Variants in DNAH8 observed in about 807,000 individuals in gnomAD.
DNAH8 encodes dynein axonemal heavy chain 8, also known as axonemal beta dynein heavy chain 8.
A neutral mutation model predicts 562.1 loss-of-function variants in DNAH8; 382 were observed. The ratio of observed to expected loss-of-function variants is 0.68; its 90% CI spans 0.63 to 0.74. The LOEUF is 0.74. Ranked by LOEUF, DNAH8 falls within the 30% of genes least tolerant of loss-of-function variation. The pLI, the probability that DNAH8 is intolerant of heterozygous loss-of-function variation, is 0.00. For missense variants in DNAH8, 5,203 were observed against 5,620.4 expected, an observed-to-expected ratio of 0.93 and a Z score of 2.37; for synonymous variants, 1,881 against 1,919.4, an observed-to-expected ratio of 0.98 and a Z score of 0.52.
chr6:38,783,166 CA>C, intron 17 of DNAH8, 27 bp downstream of exon 17: 1 of 1,607,650 alleles, frequency 6.2e-7, no homozygotes, highest in Non-Finnish European at 8.5e-7. Context: ...CATGAGCCTA[CA>C]AAGTAGGGAT....
Position 38,906,285 on chromosome 6 carries a change from T to G in DNAH8, c.9226T>G (p.Leu3076Val), listed in dbSNP as rs372620501. The change falls in exon 63 of 93, where the codon TTA (leucine) becomes GTA (valine). Residue 3076 changes from leucine to valine, a missense_variant. Coordinates refer to ENST00000327475, the MANE Select transcript of DNAH8 (RefSeq NM_001206927.2). ...CAATGTGACTAATCTAACAGATGAT[T>G]TAAAAGCTTTGTACAAAGTTGCTGG... ...SYNVTNLTDD[L>V]KALYKVAGAD... is the part of the protein sequence containing the mutation. 5.6e-6 allele frequency: 9 copies of G among 1,602,864 alleles called. No individual in the cohort carries two copies. The highest frequency in any genetic ancestry group is 7.7e-6 in the Non-Finnish European group (9 of 1,172,622).
intron 11 of DNAH8, among the ~76,000 whole-genome samples, chr6:38,765,325 G>GT (rs1245382053): frequency 7.9e-5 from 12 of 151,798 alleles, no homozygotes; most frequent in South Asian, 2.1e-4. Flanking sequence ...AATCTCATTT[G>GT]TTTTTTTTGT....
rs1303928413 is a variant in DNAH8 at position 38,723,200 on chromosome 6, G to A, written c.390+1G>A. ...ACAGGAAACATTAAAAGAGAGACAG[G>A]TTTGCTTCTAATACGATTTTTCATG... is the stretch of plus-strand genomic sequence containing the variant. On this transcript the variant is annotated splice_donor_variant, in intron 2 of 92. Transcript: ENST00000327475. LOFTEE classifies it high-confidence loss of function. 7 of 1,601,858 alleles carry A rather than the reference G, an allele frequency of 4.4e-6. No homozygotes were observed. The Admixed American group carries it at 1.2e-4, about 28-fold the overall frequency.
chr6:38,990,295 A>G, intron 88 of DNAH8, 123 bp downstream of exon 88: 1 of 703,336 alleles, frequency 1.4e-6, no homozygotes. Context: ...ACTGTGAAAA[A>G]TAGTGTCGCT....
At chr6:38,960,850 A>G (rs1292564770) in intron 82 of DNAH8, among the ~76,000 whole-genome samples, 1 of 151,994 alleles carries the variant, frequency 6.6e-6, no homozygotes, top group Non-Finnish European at 1.5e-5. Context: ...AACGAAGTGA[A>G]ATCAGTATAT....
intron 12 of DNAH8, among the ~76,000 whole-genome samples, chr6:38,772,970 A>ATT (rs1491433852): frequency 1.5e-5 from 1 of 65,460 alleles, no homozygotes; most frequent in Non-Finnish European, 3.0e-5. Context: ...AGCTAATTAA[A>ATT]CTTTTTTTTT....
intron 69 of DNAH8, 63 bp from the exon 70 acceptor site, chr6:38,917,862 C>G (rs868604942): frequency 5.6e-6 from 7 of 1,241,546 alleles, no homozygotes; most frequent in Non-Finnish European, 7.9e-6. Context: ...TTTAGAAGTA[C>G]ATATTAACTC....
chr6:38,930,281 C>T (rs1003334869), intron 75 of DNAH8, among the ~76,000 whole-genome samples: 20 of 152,172 alleles, frequency 1.3e-4, no homozygotes, highest in Admixed American at 2.0e-4. Context: ...ATAAGTGTTT[C>T]ATGTTTAATT....
chr6:38,962,511 T>A (rs558586643), intron 82 of DNAH8, among the ~76,000 whole-genome samples: 1 of 152,236 alleles, frequency 6.6e-6, no homozygotes, highest in African/African-American at 2.4e-5. Context: ...GTGATAAGAT[T>A]TGCATTTCCA....
chr6:38,797,978 T>G (rs552996288), intron 21 of DNAH8, among the ~76,000 whole-genome samples: 1 of 151,762 alleles, frequency 6.6e-6, no homozygotes, highest in African/African-American at 2.4e-5. Context: ...CTTGGGAGGC[T>G]GAAGCAGGAG....
intron 37 of DNAH8, among the ~76,000 whole-genome samples, chr6:38,849,054 C>T (rs1775535283): frequency 1.3e-5 from 2 of 151,908 alleles, no homozygotes; most frequent in South Asian, 4.2e-4. Context: ...ATTATACGGC[C>T]CAAAAAGTCT....
intron 79 of DNAH8, among the ~76,000 whole-genome samples, chr6:38,941,132 A>G (rs554566470): frequency 3.2e-4 from 48 of 152,056 alleles, no homozygotes; most frequent in Non-Finnish European, 5.9e-4. Flanking sequence ...AAAAAAAAAA[A>G]GGAATCTAGA....
At chr6:38,786,724 G>A in intron 17 of DNAH8, 41 bp from the exon 18 acceptor site, 2 of 1,582,650 alleles carry the variant, frequency 1.3e-6, no homozygotes, top group African/African-American at 1.4e-5. Context: ...AAGCAGAAAG[G>A]AAATTCAGAA....
At chr6:38,720,523 G>A (rs1762669458) in intron 1 of DNAH8, among the ~76,000 whole-genome samples, 1 of 152,170 alleles carries the variant, frequency 6.6e-6, no homozygotes, top group Non-Finnish European at 1.5e-5. Flanking sequence ...GGCTTAAGCC[G>A]ACATCTAGTG....
At chr6:38,783,892 C>T (rs752217984) in intron 17 of DNAH8, among the ~76,000 whole-genome samples, 8 of 152,174 alleles carry the variant, frequency 5.3e-5, no homozygotes, top group African/African-American at 1.4e-4. Flanking sequence ...CCCAAACCAG[C>T]GTCTCCACCT....
At chr6:38,778,308 A>G in intron 13 of DNAH8, 80 bp from the exon 14 acceptor site, 1 of 718,874 alleles carries the variant, frequency 1.4e-6, no homozygotes, top group Non-Finnish European at 2.3e-6. Context: ...TTAATTCTGT[A>G]GGAAAAGCAT....
At chr6:38,984,433 C>G in intron 87 of DNAH8, 126 bp downstream of exon 87, 1 of 665,300 alleles carries the variant, frequency 1.5e-6, no homozygotes, top group Non-Finnish European at 2.7e-6. Flanking sequence ...AGCCAAGAAA[C>G]AAATGCATGT....
chr6:39,030,035 C>A (rs1216764401), intron 92 of DNAH8, 70 bp from the exon 93 acceptor site: 8 of 1,267,346 alleles, frequency 6.3e-6, no homozygotes, highest in Non-Finnish European at 7.8e-6. Context: ...AAACTGACAG[C>A]CTTTATGACT....
chr6:38,867,173 C>T (rs965367334), intron 47 of DNAH8, among the ~76,000 whole-genome samples: 6 of 152,004 alleles, frequency 3.9e-5, no homozygotes, highest in Non-Finnish European at 8.8e-5. Flanking sequence ...GAAATGGACA[C>T]TGAAGCAGTC....
Sources: allele counts gnomAD v4.1 joint callset (sites outside exome capture counted in the v4.1 genomes callset), GRCh38; gene constraint gnomAD v4.1.1; transcripts MANE v1.5; gene names NCBI Gene and HGNC (gene_info 2026-07-23, HGNC 2026-07-21).